The following KCNQ1 variants were observed in gnomAD, a reference collection of about 807,000 sequenced individuals.
KCNQ1 encodes the protein potassium voltage-gated channel subfamily Q member 1, also known as potassium voltage-gated channel subfamily KQT member 1.
Under a neutral mutation model 72.4 loss-of-function variants are expected in KCNQ1, and 49 were observed. The observed-to-expected ratio is 0.68, with a 90% CI of 0.54 to 0.86. The LOEUF (loss-of-function observed/expected upper bound fraction) is 0.86, where lower values mean the gene tolerates loss of function less well. Among genes scored for constraint, KCNQ1 ranks in the 40% least tolerant of loss-of-function variants. KCNQ1 has a pLI of 0.00. For synonymous variants in KCNQ1, 450 were observed against 412.6 expected, an observed-to-expected ratio of 1.09 and a Z score of -1.10; for missense variants, 790 against 945.1, an observed-to-expected ratio of 0.84 and a Z score of 2.15.
Position 2,664,609 on chromosome 11 carries a change from C to T in KCNQ1, c.1514+2528C>T, listed in dbSNP as rs1002259659. 44 of 398,610 alleles carry T rather than the reference C, an allele frequency of 1.1e-4. No homozygotes were observed. The highest frequency in any genetic ancestry group is 7.6e-4 in the South Asian group (6 of 7,868). The allele number at this position is 398,610 out of a possible 1,614,324, so 24.7% of individuals were successfully genotyped here. On this transcript the variant is annotated intron_variant, in intron 11 of 15. Transcript: ENST00000155840. This position sits in a 1 kb window ranked among gnomAD's most constrained non-coding sequence, Gnocchi z 5.1. ...TGCATTCCTCCACCTCCTGCACAGC[C>T]CGCCCAGTGATGCCCATAATTAAAT...
Position 2,658,138 on chromosome 11 carries a change from T to G in KCNQ1, c.1394-3823T>G. The G allele has an allele frequency of 2.5e-6, 1 of 398,606 alleles. No individual in the cohort carries two copies. Among genetic ancestry groups the G allele is most frequent in the Non-Finnish European group, 4.4e-6 (1 of 226,036 alleles). The allele number at this position is 398,606 out of a possible 1,614,324, so 24.7% of individuals were successfully genotyped here. A position where few individuals can be genotyped will look rare whatever the true frequency, so the allele number is the denominator to read the frequency against. ...AAAAAATCTGCAAATATGTTAAAAC[T>G]ACCACAGCAATTAAAATACATTTCA... On this transcript the variant is annotated intron_variant, in intron 10 of 15. Coordinates refer to ENST00000155840, the MANE Select transcript of KCNQ1 (RefSeq NM_000218.3). This position sits in a 1 kb window ranked among gnomAD's most constrained non-coding sequence, Gnocchi z 4.9.
At chr11:2,847,004 C>T (rs1373723331) in intron 15 of KCNQ1, among the ~76,000 whole-genome samples, 1 of 152,236 alleles carries the variant, frequency 6.6e-6, no homozygotes, top group East Asian at 1.9e-4. Flanking sequence ...ACTGCTCTGA[C>T]CACAGAATGT....
In KCNQ1 at chr11:2,458,881, C is replaced by A. The variant is rs560677183; in HGVS notation, c.386+13397C>A. ...ATAACGGAGAGAAGGAGGAAAGAATCACCTATCCACCAATTGTGACATATG... is the reference window on the plus strand; with the variant it reads ...ATAACGGAGAGAAGGAGGAAAGAATAACCTATCCACCAATTGTGACATATG... On this transcript the variant is annotated intron_variant, in intron 1 of 15. Coordinates refer to ENST00000155840, the MANE Select transcript of KCNQ1 (RefSeq NM_000218.3). This position sits in a 1 kb window ranked among gnomAD's most constrained non-coding sequence, Gnocchi z 4.6. 5.9e-5 allele frequency among the ~76,000 whole-genome samples: 9 copies of A among 152,214 alleles called. No individual in the cohort carries two copies. Among genetic ancestry groups the A allele is most frequent in the Admixed American group, 2.0e-4 (3 of 15,282 alleles).
In KCNQ1 at chr11:2,659,168, G is replaced by A; in HGVS notation, c.1394-2793G>A. Reference sequence around the variant, plus strand: ...TTTGAGATTCAGTTCTGTGGGTTTTGACAGATGTCTGGAGTCATGTGTCCA... The same window carrying A: ...TTTGAGATTCAGTTCTGTGGGTTTTAACAGATGTCTGGAGTCATGTGTCCA... On this transcript the variant is annotated intron_variant, in intron 10 of 15. Coordinates refer to ENST00000155840, the MANE Select transcript of KCNQ1 (RefSeq NM_000218.3). This position sits in a 1 kb window ranked among gnomAD's most constrained non-coding sequence, Gnocchi z 4.3. The A allele has an allele frequency of 2.5e-6, 1 of 398,580 alleles. No homozygotes were observed. The allele number at this position is 398,580 out of a possible 1,614,324, so 24.7% of individuals were successfully genotyped here. A position where few individuals can be genotyped will look rare whatever the true frequency, so the allele number is the denominator to read the frequency against.
At chr11:2,568,146 G>A (rs1339275505) in intron 2 of KCNQ1, among the ~76,000 whole-genome samples, 7 of 152,058 alleles carry the variant, frequency 4.6e-5, no homozygotes, top group Admixed American at 3.3e-4. Context: ...GGTGGCATGC[G>A]CCTGTAGTCC....
intron 11 of KCNQ1, among the ~76,000 whole-genome samples, chr11:2,738,678 G>T (rs994766989): frequency 6.6e-6 from 1 of 152,212 alleles, no homozygotes; most frequent in African/African-American, 2.4e-5. Context: ...GGTGTTCAGG[G>T]GTGGGGTGGA....
At position 2,735,864 on chromosome 11, in the gene KCNQ1, C is replaced by A. The variant is rs1386262492; in HGVS notation, c.1515-32980C>A. On this transcript the variant is annotated intron_variant, in intron 11 of 15. Coordinates refer to ENST00000155840, the MANE Select transcript of KCNQ1 (RefSeq NM_000218.3). The surrounding 1 kb of genome is among the most constrained non-coding windows in gnomAD (Gnocchi z 7.7). ...CCCAGTCAGGTGGGATTAGGGCTCACCCTTATACCCCCATTCTGCTTTAAT... is the reference window on the plus strand; with the variant it reads ...CCCAGTCAGGTGGGATTAGGGCTCAACCTTATACCCCCATTCTGCTTTAAT... Among the ~76,000 whole-genome samples the A allele has an allele frequency of 6.6e-6, 1 of 152,186 alleles. No homozygotes were observed. Among genetic ancestry groups the A allele is most frequent in the Non-Finnish European group, 1.5e-5 (1 of 68,038 alleles).
rs1431642027 is a variant in KCNQ1, at chr11:2,559,687, C to T, written c.478-10941C>T. ...GGTGGGGCTAGTTCTGGAGGGAAAG[C>T]GGCCTCGTGCCTCCCAGAGTCACCC... On this transcript the variant is annotated intron_variant, in intron 2 of 15. Transcript: ENST00000155840. This position sits in a 1 kb window ranked among gnomAD's most constrained non-coding sequence, Gnocchi z 4.9. Among the ~76,000 whole-genome samples, 4 of 152,190 alleles carry T rather than the reference C, an allele frequency of 2.6e-5. No individual in the cohort carries two copies. Among genetic ancestry groups the T allele is most frequent in the African/African-American group, 4.8e-5 (2 of 41,446 alleles).
chr11:2,724,331 A>G lies in KCNQ1; in HGVS notation c.1515-44513A>G, dbSNP rs1465487532. On this transcript the variant is annotated intron_variant, in intron 11 of 15. Transcript: ENST00000155840. The surrounding 1 kb of genome is among the most constrained non-coding windows in gnomAD (Gnocchi z 6.8). ...CACCAGGTGACGGCCCTAAATCCTCAGGAGTGACAGCGTCCTCCCGCCCGG... is the reference window on the plus strand; with the variant it reads ...CACCAGGTGACGGCCCTAAATCCTCGGGAGTGACAGCGTCCTCCCGCCCGG... Among the ~76,000 whole-genome samples, 1 of 152,156 alleles carries G rather than the reference A, an allele frequency of 6.6e-6. No individual in the cohort carries two copies. Among genetic ancestry groups the G allele is most frequent in the Non-Finnish European group, 1.5e-5 (1 of 68,016 alleles).
rs536623777 is a variant in KCNQ1 at position 2,662,186 on chromosome 11, A to C, written c.1514+105A>C. On this transcript the variant is annotated intron_variant, in intron 11 of 15. Coordinates refer to ENST00000155840, the MANE Select transcript of KCNQ1 (RefSeq NM_000218.3). The stretch of plus-strand genomic sequence containing the variant: ...TTGCTCTCTGGCCAGAGTGCTATCT[A>C]CTCGCCTAGTGCCCACCACTTGCCG... The C allele has an allele frequency of 1.1e-4, 163 of 1,497,830 alleles. No homozygotes were observed. The African/African-American group carries it at 2.0e-3, about 18-fold the overall frequency. The allele number at this position is 1,497,830 out of a possible 1,614,324, so 92.8% of individuals were successfully genotyped here.
At chr11:2,615,745 A>G in intron 10 of KCNQ1, 2 of 398,046 alleles carry the variant, frequency 5.0e-6, no homozygotes, top group East Asian at 3.6e-5. Context: ...TGTGGTCATG[A>G]TATATAATCC....
chr11:2,578,127 C>G (rs1848449196), intron 6 of KCNQ1, among the ~76,000 whole-genome samples: 1 of 152,356 alleles, frequency 6.6e-6, no homozygotes, highest in East Asian at 1.9e-4. Flanking sequence ...TTTACAAATT[C>G]CAGGAGTGAG....
rs558501290 is a variant in KCNQ1 at position 2,803,974 on chromosome 11, G to C, written c.1794+25937G>C. Among the ~76,000 whole-genome samples the C allele has an allele frequency of 6.6e-6, 1 of 152,254 alleles. No homozygotes were observed. The highest frequency in any genetic ancestry group is 2.1e-4 in the South Asian group (1 of 4,822). On this transcript the variant is annotated intron_variant, in intron 15 of 15. Coordinates refer to ENST00000155840, the MANE Select transcript of KCNQ1 (RefSeq NM_000218.3). This position sits in a 1 kb window ranked among gnomAD's most constrained non-coding sequence, Gnocchi z 6.4. ...ACAGAGCCTTGGCCAGCATGTGGCC[G>C]CAGCCCCAACTGCAGCGGAAGGTAT...
rs1452165344 is a variant in KCNQ1 at position 2,768,829 on chromosome 11, C to G, written c.1515-15C>G. On this transcript the variant is annotated splice_polypyrimidine_tract_variant and intron_variant, in intron 11 of 15. Coordinates refer to ENST00000155840, the MANE Select transcript of KCNQ1 (RefSeq NM_000218.3). This position sits in a 1 kb window ranked among gnomAD's most constrained non-coding sequence, Gnocchi z 6.7. ...GGGTGGCCACTCACAATCTCCTCTC[C>G]TCTCTCCACTGCAGGCTGCGGGAAC... The G allele has an allele frequency of 1.2e-6, 2 of 1,611,990 alleles. No individual in the cohort carries two copies. Among genetic ancestry groups the G allele is most frequent in the African/African-American group, 2.7e-5 (2 of 74,854 alleles).
chr11:2,684,331 C>T, intron 11 of KCNQ1: 1 of 398,626 alleles, frequency 2.5e-6, no homozygotes, highest in Non-Finnish European at 4.4e-6. Context: ...CCTGAGGTGG[C>T]CCAGGTATGT....
chr11:2,736,169 C>A (rs1157311621), intron 11 of KCNQ1, among the ~76,000 whole-genome samples: 2 of 152,214 alleles, frequency 1.3e-5, no homozygotes, highest in Non-Finnish European at 2.9e-5. Flanking sequence ...TCCTGCCTGC[C>A]CTTCAGTTTA....
Position 2,477,585 on chromosome 11 carries a change from C to G in KCNQ1, c.386+32101C>G, listed in dbSNP as rs1846590438. 6.6e-6 allele frequency among the ~76,000 whole-genome samples: 1 copy of G among 152,038 alleles called. No individual in the cohort carries two copies. Among genetic ancestry groups the G allele is most frequent in the African/African-American group, 2.4e-5 (1 of 41,380 alleles). On this transcript the variant is annotated intron_variant, in intron 1 of 15. Transcript: ENST00000155840. The surrounding 1 kb of genome is among the most constrained non-coding windows in gnomAD (Gnocchi z 5.0). ...ATCCTCATTATGATGGCAGACTAAA[C>G]CCATAGTGTGTTAAAAATGACCACA...
At chr11:2,791,136 A>G (rs181231203) in intron 15 of KCNQ1, among the ~76,000 whole-genome samples, 84 of 152,320 alleles carry the variant, frequency 5.5e-4, no homozygotes, top group African/African-American at 2.0e-3. Flanking sequence ...GTGTGTGTCA[A>G]CTTCTGTGAG....
intron 15 of KCNQ1, among the ~76,000 whole-genome samples, chr11:2,797,248 C>CCCCAGCT (rs1429880895): frequency 1.3e-5 from 2 of 152,152 alleles, no homozygotes; most frequent in Non-Finnish European, 2.9e-5. Context: ...TGGCCCCAGC[C>CCCCAGCT]CCCAGCTCCC....
Sources: gnomAD v4.1 joint callset for allele counts (sites outside exome capture counted in the v4.1 genomes callset) on GRCh38, gnomAD v4.1.1 for gene constraint, Gnocchi (gnomAD v3.1) non-coding constraint, MANE v1.5 for transcripts, NCBI Gene and HGNC (gene_info 2026-07-23, HGNC 2026-07-21) for gene names.